The following NMBR variants were observed in gnomAD, a reference collection of about 807,000 sequenced individuals.
NMBR encodes neuromedin-B receptor.
Under a neutral mutation model 20.5 loss-of-function variants are expected in NMBR, and 16 were observed. The observed-to-expected ratio is 0.78, with a 90% CI of 0.53 to 1.19. The LOEUF (loss-of-function observed/expected upper bound fraction) is 1.19. Ranked by LOEUF, NMBR falls within the 50% of genes most tolerant of loss-of-function variation. The pLI is 0.00. For missense variants in NMBR, 582 were observed against 499.1 expected, an observed-to-expected ratio of 1.17 and a Z score of -1.58; for synonymous variants, 212 against 196.6, an observed-to-expected ratio of 1.08 and a Z score of -0.65.
At chr6:142,099,999 A>G (rs567005294) in intron 1 of NMBR, among the ~76,000 whole-genome samples, 1 of 152,346 alleles carries the variant, frequency 6.6e-6, no homozygotes, top group East Asian at 1.9e-4. Context: ...TTGCAAATTA[A>G]GACAACAAGA....
intron 1 of NMBR, among the ~76,000 whole-genome samples, chr6:142,116,771 C>G (rs1435238885): frequency 6.6e-6 from 1 of 151,930 alleles, no homozygotes; most frequent in Admixed American, 6.6e-5. Flanking sequence ...TTTTTGCCAA[C>G]TGATTTATTG....
At chr6:142,109,476 C>CTTTTTTTT (rs77684305) in intron 1 of NMBR, among the ~76,000 whole-genome samples, 3 of 108,316 alleles carry the variant, frequency 2.8e-5, no homozygotes, top group African/African-American at 1.0e-4. Context: ...TTGGGTATGT[C>CTTTTTTTT]TTTTTTTTTT....
intron 1 of NMBR, among the ~76,000 whole-genome samples, chr6:142,094,659 T>C (rs567157401): frequency 6.6e-6 from 1 of 152,316 alleles, no homozygotes; most frequent in South Asian, 2.1e-4. Flanking sequence ...CATATGAACT[T>C]TAAAGGAGTT....
chr6:142,144,662 ATT>A (rs769196014), intron 1 of NMBR, among the ~76,000 whole-genome samples: 29 of 152,268 alleles, frequency 1.9e-4, no homozygotes, highest in South Asian at 4.1e-4. Flanking sequence ...AGTCATTAAT[ATT>A]TGTTTTATAG....
chr6:142,135,887 G>T (rs1007874141), intron 1 of NMBR, among the ~76,000 whole-genome samples: 2 of 151,580 alleles, frequency 1.3e-5, no homozygotes, highest in Non-Finnish European at 1.5e-5. Context: ...TCTTAATCCA[G>T]TCTATCATTG....
intron 1 of NMBR, among the ~76,000 whole-genome samples, chr6:142,145,011 G>A (rs1258526808): frequency 4.4e-5 from 4 of 91,244 alleles, no homozygotes; most frequent in Non-Finnish European, 1.9e-5. Context: ...GACAGAGTGA[G>A]AACCTGTCTA....
intron 1 of NMBR, among the ~76,000 whole-genome samples, chr6:142,116,813 T>C (rs1777863676): frequency 6.6e-6 from 1 of 152,020 alleles, no homozygotes; most frequent in Non-Finnish European, 1.5e-5. Context: ...ATTATTACTG[T>C]AAATGTTATT....
rs117396576 is a variant in NMBR at position 142,145,713 on chromosome 6, G to A, written c.-664+1331C>T. ...GTTGTAGACCAAGGAAATTGGGGCT[G>A]AGTGCCTAGCTTGAATAGAGCGAGA... is the stretch of plus-strand genomic sequence containing the variant. On this transcript the variant is annotated intron_variant, in intron 1 of 3. Coordinates refer to ENST00000258042, the MANE Select transcript of NMBR (RefSeq NM_002511.4). Among the ~76,000 whole-genome samples, 175 of 152,336 alleles carry A rather than the reference G, an allele frequency of 1.1e-3. 3 individuals carry two copies. The East Asian group carries it at 0.031, about 27-fold the overall frequency.
At chr6:142,145,347 G>A (rs1391770364) in intron 1 of NMBR, among the ~76,000 whole-genome samples, 3 of 152,112 alleles carry the variant, frequency 2.0e-5, no homozygotes, top group Non-Finnish European at 4.4e-5. Flanking sequence ...GATCTAGAAA[G>A]ACATCATAGT....
chr6:142,083,558 G>A lies in NMBR; in HGVS notation c.423-4655C>T, dbSNP rs1489843761. Among the ~76,000 whole-genome samples, 4 of 152,226 alleles carry A rather than the reference G, an allele frequency of 2.6e-5. 1 individual carries two copies. In the East Asian group the frequency reaches 5.8e-4, roughly 22 times the overall value. On this transcript the variant is annotated intron_variant, in intron 2 of 3. Coordinates refer to ENST00000258042, the MANE Select transcript of NMBR (RefSeq NM_002511.4). Reference sequence around the variant, plus strand: ...CTCATGTAGAATTGTAATCCCCAGTGGTTGAGAGAGGGACCTGATGGGAGG... The same window carrying A: ...CTCATGTAGAATTGTAATCCCCAGTAGTTGAGAGAGGGACCTGATGGGAGG...
intron 1 of NMBR, among the ~76,000 whole-genome samples, chr6:142,146,211 G>A (rs548319477): frequency 1.3e-5 from 2 of 152,330 alleles, no homozygotes; most frequent in East Asian, 3.9e-4. Flanking sequence ...CGTATGTGGA[G>A]TGGGATAATA....
At chr6:142,115,414 G>A (rs890437044) in intron 1 of NMBR, among the ~76,000 whole-genome samples, 2 of 152,070 alleles carry the variant, frequency 1.3e-5, no homozygotes, top group African/African-American at 4.8e-5. Flanking sequence ...TTTCTAGCAA[G>A]ATGGGAGATC....
At chr6:142,121,203 G>C in intron 1 of NMBR, among the ~76,000 whole-genome samples, 1 of 151,850 alleles carries the variant, frequency 6.6e-6, no homozygotes, top group Admixed American at 6.6e-5. Flanking sequence ...TGTTCTTACT[G>C]CTCTACCAAT....
chr6:142,098,181 T>G (rs896235527), intron 1 of NMBR, among the ~76,000 whole-genome samples: 1 of 151,998 alleles, frequency 6.6e-6, no homozygotes, highest in Non-Finnish European at 1.5e-5. Flanking sequence ...ACCCTTCACA[T>G]CCAAGAGGCT....
intron 1 of NMBR, among the ~76,000 whole-genome samples, chr6:142,122,501 C>T (rs555803143): frequency 6.6e-6 from 1 of 152,080 alleles, no homozygotes; most frequent in South Asian, 2.1e-4. Context: ...AAGGTGGCAA[C>T]ACAAAACAAC....
intron 1 of NMBR, chr6:142,135,062 G>T: frequency 2.5e-6 from 1 of 405,132 alleles, no homozygotes; most frequent in Middle Eastern, 6.4e-4. Context: ...GTGCCTGGTT[G>T]TAAGGTAAGG....
intron 2 of NMBR, among the ~76,000 whole-genome samples, chr6:142,087,583 C>T (rs1165532252): frequency 6.6e-6 from 1 of 151,990 alleles, no homozygotes; most frequent in African/African-American, 2.4e-5. Context: ...TAACATATGT[C>T]AAAAGCAGAT....
At chr6:142,076,154 C>T (rs1036503568) in intron 3 of NMBR, 105 bp from the exon 4 acceptor site, 1 of 792,040 alleles carries the variant, frequency 1.3e-6, no homozygotes, top group Non-Finnish European at 2.0e-6. Flanking sequence ...CATGATAATA[C>T]ATCCAAAATA....
intron 1 of NMBR, among the ~76,000 whole-genome samples, chr6:142,103,689 G>A (rs1038514721): frequency 2.6e-5 from 4 of 151,980 alleles, no homozygotes; most frequent in African/African-American, 9.7e-5. Flanking sequence ...TGATACTGAT[G>A]GGTTATAAGC....
Sources: allele counts gnomAD v4.1 joint callset (sites outside exome capture counted in the v4.1 genomes callset), GRCh38; gene constraint gnomAD v4.1.1; transcripts MANE v1.5; gene names NCBI Gene and HGNC (gene_info 2026-07-23, HGNC 2026-07-21).